Variants in RNF187 observed in about 807,000 individuals in gnomAD.
The protein encoded by RNF187 is ring finger protein 187.
Under a neutral mutation model 22.2 loss-of-function variants are expected in RNF187, and 18 were observed. The ratio of observed to expected loss-of-function variants is 0.81; its 90% CI spans 0.56 to 1.20. RNF187 has a LOEUF of 1.20. Among genes scored for constraint, RNF187 ranks in the 50% most tolerant of loss-of-function variants. The pLI is 0.00. For missense variants in RNF187, 329 were observed against 317.6 expected, an observed-to-expected ratio of 1.04 and a Z score of -0.27; for synonymous variants, 164 against 140.9, an observed-to-expected ratio of 1.16 and a Z score of -1.16.
In RNF187 at chr1:228,495,622, T is replaced by C; in HGVS notation, c.*1737T>C. On this transcript the variant is annotated 3_prime_UTR_variant, in exon 4 of 4. Transcript: ENST00000305943. ...GCCCGGACAGGTCCTGATGGCAGAG[T>C]CTCCCACAACATCAGTGTCTCCACA... is the stretch of plus-strand genomic sequence containing the variant. 1 of 985,398 alleles carries C rather than the reference T, an allele frequency of 1.0e-6. No homozygotes were observed. Among genetic ancestry groups the C allele is most frequent in the Non-Finnish European group, 1.2e-6 (1 of 829,904 alleles). 61.0% of individuals were successfully genotyped at this position (985,398 alleles called of 1,614,324 possible). A position where few individuals can be genotyped will look rare whatever the true frequency, so the allele number is the denominator to read the frequency against.
At chr1:228,492,814 G>A in intron 2 of RNF187, among the ~76,000 whole-genome samples, 2 of 151,582 alleles carry the variant, frequency 1.3e-5, no homozygotes, top group African/African-American at 2.4e-5. Context: ...TAGTAGAGAC[G>A]GGGTTTCACC....
intron 2 of RNF187, among the ~76,000 whole-genome samples, chr1:228,491,880 G>A: frequency 6.6e-6 from 1 of 152,146 alleles, no homozygotes; most frequent in Non-Finnish European, 1.5e-5. Flanking sequence ...TACATGATGT[G>A]GGGATGCTTG....
Position 228,494,214 on chromosome 1 carries a change from C to T in RNF187, c.*329C>T. On this transcript the variant is annotated 3_prime_UTR_variant, in exon 4 of 4. Coordinates refer to ENST00000305943, the MANE Select transcript of RNF187 (RefSeq NM_001010858.3). Reference sequence around the variant, plus strand: ...CTGGTCACCCATCTGCCCCTCACCTCGTCATCCAGGGACCCAGACCCTGCA... The same window carrying T: ...CTGGTCACCCATCTGCCCCTCACCTTGTCATCCAGGGACCCAGACCCTGCA... The T allele has an allele frequency of 2.4e-6, 3 of 1,237,870 alleles. No individual in the cohort carries two copies. The highest frequency in any genetic ancestry group is 1.8e-5 in the South Asian group (1 of 54,880). The allele number at this position is 1,237,870 out of a possible 1,614,324, so 76.7% of individuals were successfully genotyped here. A position where few individuals can be genotyped will look rare whatever the true frequency, so the allele number is the denominator to read the frequency against.
Position 228,487,578 on chromosome 1 carries a change from CT to C in RNF187, c.92del (p.Phe31SerfsTer109). 7.9e-7 allele frequency: 1 copy of C among 1,265,580 alleles called. No homozygotes were observed. Among genetic ancestry groups the C allele is most frequent in the Non-Finnish European group, 1.0e-6 (1 of 991,918 alleles). 78.4% of individuals were successfully genotyped at this position (1,265,580 alleles called of 1,614,324 possible). On this transcript the variant is annotated frameshift_variant, in exon 1 of 4. Coordinates refer to ENST00000305943, the MANE Select transcript of RNF187 (RefSeq NM_001010858.3). LOFTEE classifies it high-confidence loss of function. Reference sequence around the variant, plus strand: ...CGGTGCGCGCCGACTGCGGCCACCGCTTCTGTCGGGCGTGCGTGGTGCGCTT... The same window carrying C: ...CGGTGCGCGCCGACTGCGGCCACCGCTCTGTCGGGCGTGCGTGGTGCGCTT...
At position 228,494,734 on chromosome 1, in the gene RNF187, T is replaced by C; in HGVS notation, c.*849T>C. On this transcript the variant is annotated 3_prime_UTR_variant, in exon 4 of 4. Transcript: ENST00000305943. The stretch of plus-strand genomic sequence containing the variant: ...AGTAGCTCAGTTGCCTGCAGCATCC[T>C]TGTGTGTAGATAAATTAGTCGACAG... The C allele has an allele frequency of 1.0e-6, 1 of 985,520 alleles. No individual in the cohort carries two copies. Among genetic ancestry groups the C allele is most frequent in the Non-Finnish European group, 1.2e-6 (1 of 830,002 alleles). 61.0% of individuals were successfully genotyped at this position (985,520 alleles called of 1,614,324 possible).
Position 228,487,542 on chromosome 1 carries a change from GC to G in RNF187, c.58del (p.Arg20GlyfsTer120). ...CCGCCTGCGCCCTGTGCCAGCGCGC[GC>G]CCCGGGAACCGGTGCGCGCCGACTG... On this transcript the variant is annotated frameshift_variant, in exon 1 of 4. Coordinates refer to ENST00000305943, the MANE Select transcript of RNF187 (RefSeq NM_001010858.3). LOFTEE classifies it high-confidence loss of function. 5 of 1,221,440 alleles carry G rather than the reference GC, an allele frequency of 4.1e-6. No individual in the cohort carries two copies. The South Asian group carries it at 6.7e-5, about 16-fold the overall frequency. The allele number at this position is 1,221,440 out of a possible 1,614,324, so 75.7% of individuals were successfully genotyped here.
At chr1:228,492,165 C>T in intron 2 of RNF187, among the ~76,000 whole-genome samples, 1 of 152,042 alleles carries the variant, frequency 6.6e-6, no homozygotes, top group South Asian at 2.1e-4. Context: ...ATCGTCTTAC[C>T]TCAGCCTCCC....
chr1:228,495,679 C>T lies in RNF187; in HGVS notation c.*1794C>T. ...GGTCCGACAGTGGCTTCACCATCCT[C>T]ACCTAACCTAGCTGACCAGCAACAT... On this transcript the variant is annotated 3_prime_UTR_variant, in exon 4 of 4. Transcript: ENST00000305943. 1.8e-5 allele frequency: 18 copies of T among 985,626 alleles called. No homozygotes were observed. Among genetic ancestry groups the T allele is most frequent in the Non-Finnish European group, 2.2e-5 (18 of 829,944 alleles). 61.1% of individuals were successfully genotyped at this position (985,626 alleles called of 1,614,324 possible). A position where few individuals can be genotyped will look rare whatever the true frequency, so the allele number is the denominator to read the frequency against.
At position 228,494,485 on chromosome 1, in the gene RNF187, CT is replaced by C; in HGVS notation, c.*601del. On this transcript the variant is annotated 3_prime_UTR_variant, in exon 4 of 4. Transcript: ENST00000305943. The stretch of plus-strand genomic sequence containing the variant: ...AGTCGCTCTGTCCACCTCCCCCTTC[CT>C]GGCCCCCACCCCACTCCTGTGCCTC... The C allele has an allele frequency of 7.1e-6, 7 of 987,038 alleles. No individual in the cohort carries two copies. Among genetic ancestry groups the C allele is most frequent in the Non-Finnish European group, 7.2e-6 (6 of 830,928 alleles). The allele number at this position is 987,038 out of a possible 1,614,324, so 61.1% of individuals were successfully genotyped here.
intron 2 of RNF187, 153 bp downstream of exon 2, chr1:228,489,205 A>AT: frequency 3.3e-5 from 20 of 597,084 alleles, no homozygotes; most frequent in South Asian, 6.3e-5. Context: ...GCTTCAGGGT[A>AT]TTTTTTTTAG....
At chr1:228,489,605 C>A in intron 2 of RNF187, among the ~76,000 whole-genome samples, 1 of 152,086 alleles carries the variant, frequency 6.6e-6, no homozygotes, top group Admixed American at 6.6e-5. Context: ...CTGTAATTTT[C>A]TGTGGTCCTC....
At chr1:228,491,198 TG>T in intron 2 of RNF187, among the ~76,000 whole-genome samples, 96 of 151,886 alleles carry the variant, frequency 6.3e-4, no homozygotes, top group African/African-American at 2.2e-3. Context: ...GAGACCAGCC[TG>T]GGTAACATAG....
In RNF187 at chr1:228,491,756, C is replaced by T; in HGVS notation, c.484-1297C>T. On this transcript the variant is annotated intron_variant, in intron 2 of 3. Coordinates refer to ENST00000305943, the MANE Select transcript of RNF187 (RefSeq NM_001010858.3). ...TGTCCAGCCAGGCATATTAATTTAA[C>T]ACAAGTTTTATACAGCACAGGCTCC... Among the ~76,000 whole-genome samples the T allele has an allele frequency of 3.9e-5, 6 of 152,196 alleles. No homozygotes were observed. The East Asian group carries it at 1.2e-3, about 30-fold the overall frequency.
At position 228,494,282 on chromosome 1, in the gene RNF187, G is replaced by A; in HGVS notation, c.*397G>A. On this transcript the variant is annotated 3_prime_UTR_variant, in exon 4 of 4. Coordinates refer to ENST00000305943, the MANE Select transcript of RNF187 (RefSeq NM_001010858.3). ...CAGATCCTTGGCAGGTACCTGAGGT[G>A]CACCATTGAGTGTCGGATTTGGGGT... 2 of 1,152,750 alleles carry A rather than the reference G, an allele frequency of 1.7e-6. No individual in the cohort carries two copies. Among genetic ancestry groups the A allele is most frequent in the African/African-American group, 3.1e-5 (2 of 64,006 alleles). 71.4% of individuals were successfully genotyped at this position (1,152,750 alleles called of 1,614,324 possible). A position where few individuals can be genotyped will look rare whatever the true frequency, so the allele number is the denominator to read the frequency against.
Position 228,493,985 on chromosome 1 carries a change from C to T in RNF187, c.*100C>T. On this transcript the variant is annotated 3_prime_UTR_variant, in exon 4 of 4. Coordinates refer to ENST00000305943, the MANE Select transcript of RNF187 (RefSeq NM_001010858.3). This position sits in a 1 kb window ranked among gnomAD's most constrained non-coding sequence, Gnocchi z 4.7. ...GTGGCTGCCAGGGAAGCGTGGCAGG[C>T]GCCTGGCCTTGGGTCCATCTACATA... 7 of 1,551,154 alleles carry T rather than the reference C, an allele frequency of 4.5e-6. No individual in the cohort carries two copies. The East Asian group carries it at 7.3e-5, about 16-fold the overall frequency.
Position 228,494,047 on chromosome 1 carries a change from C to T in RNF187, c.*162C>T. 6.5e-7 allele frequency: 1 copy of T among 1,528,284 alleles called. No homozygotes were observed. The highest frequency in any genetic ancestry group is 8.8e-7 in the Non-Finnish European group (1 of 1,136,788). The allele number at this position is 1,528,284 out of a possible 1,614,324, so 94.7% of individuals were successfully genotyped here. A position where few individuals can be genotyped will look rare whatever the true frequency, so the allele number is the denominator to read the frequency against. ...CAACAATGTCCATTTATCCTTCACC[C>T]CGAGGCGTGTTTTGGGGGCTGCAAA... On this transcript the variant is annotated 3_prime_UTR_variant, in exon 4 of 4. Coordinates refer to ENST00000305943, the MANE Select transcript of RNF187 (RefSeq NM_001010858.3).
intron 1 of RNF187, among the ~76,000 whole-genome samples, 163 bp downstream of exon 1, chr1:228,488,041 C>T: frequency 1.3e-5 from 2 of 151,260 alleles, no homozygotes; most frequent in South Asian, 2.1e-4. Context: ...CCACGGGTCC[C>T]CTCTCCAGCG....
At chr1:228,491,871 A>G in intron 2 of RNF187, among the ~76,000 whole-genome samples, 1 of 152,210 alleles carries the variant, frequency 6.6e-6, no homozygotes, top group African/African-American at 2.4e-5. Context: ...AAAAGCAACT[A>G]CATGATGTGG....
intron 1 of RNF187, 130 bp from the exon 2 acceptor site, chr1:228,488,830 C>A: frequency 2.8e-6 from 2 of 701,792 alleles, no homozygotes; most frequent in Admixed American, 5.0e-5. Flanking sequence ...CCCTAGACAA[C>A]CGGGCTTCGA....
Sources: allele counts gnomAD v4.1 joint callset (sites outside exome capture counted in the v4.1 genomes callset), GRCh38; gene constraint gnomAD v4.1.1; non-coding constraint Gnocchi (gnomAD v3.1); transcripts MANE v1.5; gene names NCBI Gene and HGNC (gene_info 2026-07-23, HGNC 2026-07-21).